RAB3D: variants seen among roughly 807,000 people sequenced by gnomAD.
RAB3D encodes the protein RAB3D, member RAS oncogene family.
RAB3D carries 17 observed loss-of-function variants against 19.3 expected under a neutral mutation model. The observed-to-expected ratio is 0.88, with a 90% CI of 0.60 to 1.32. The LOEUF (loss-of-function observed/expected upper bound fraction) is 1.32, where lower values mean the gene tolerates loss of function less well. Ranked by LOEUF, RAB3D falls within the 40% of genes most tolerant of loss-of-function variation. The pLI, the probability that RAB3D is intolerant of heterozygous loss-of-function variation, is 0.00. For missense variants in RAB3D, 223 were observed against 299.1 expected, an observed-to-expected ratio of 0.75 and a Z score of 1.88; for synonymous variants, 103 against 119.9, an observed-to-expected ratio of 0.86 and a Z score of 0.92.
Position 11,335,427 on chromosome 19 carries a change from G to A in RAB3D, c.472+20C>T. The A allele has an allele frequency of 1.9e-6, 3 of 1,613,514 alleles. No individual in the cohort carries two copies. The highest frequency in any genetic ancestry group is 2.5e-6 in the Non-Finnish European group (3 of 1,179,692). ...TTGGTTCTGGGAGACCAGGGCCTGT[G>A]GCCCAGGCTGGGCACTAACCAAGGT... is the stretch of plus-strand genomic sequence containing the variant. On this transcript the variant is annotated intron_variant, in intron 4 of 4. Coordinates refer to ENST00000222120, the MANE Select transcript of RAB3D (RefSeq NM_004283.4).
rs931067609 is a variant in RAB3D, at chr19:11,331,046, G to T, written c.472+4401C>A. On this transcript the variant is annotated intron_variant, in intron 4 of 4. Coordinates refer to ENST00000222120, the MANE Select transcript of RAB3D (RefSeq NM_004283.4). ...AAAAAAAAAAATTTAAAAAATAAATGGTTGGGAGGTTGAGGCGGGTGGATC... is the reference window on the plus strand; with the variant it reads ...AAAAAAAAAAATTTAAAAAATAAATTGTTGGGAGGTTGAGGCGGGTGGATC... Among the ~76,000 whole-genome samples, 9 of 151,270 alleles carry T rather than the reference G, an allele frequency of 5.9e-5. No individual in the cohort carries two copies. In the East Asian group the frequency reaches 1.6e-3, roughly 26 times the overall value.
At chr19:11,326,919 C>T (rs1353561267) in intron 4 of RAB3D, 2 of 528,212 alleles carry the variant, frequency 3.8e-6, no homozygotes, top group African/African-American at 2.0e-5. Flanking sequence ...TTCCTGCATC[C>T]TTTTAAGGTT....
At chr19:11,336,175 C>A (rs530400797) in intron 2 of RAB3D, among the ~76,000 whole-genome samples, 3 of 152,154 alleles carry the variant, frequency 2.0e-5, no homozygotes, top group South Asian at 4.1e-4. Flanking sequence ...TTGTTACCAG[C>A]GGCTAAGTTG....
chr19:11,335,575 CAG>C lies in RAB3D; in HGVS notation c.348-6_348-5del. ...GTAGGTCTTGATTTGCGTGGCCCTGCAGAGTTACCAGTGGTGAGCCATGAGCC... is the reference window on the plus strand; with the variant it reads ...GTAGGTCTTGATTTGCGTGGCCCTGCAGTTACCAGTGGTGAGCCATGAGCC... On this transcript the variant is annotated splice_polypyrimidine_tract_variant and splice_region_variant and intron_variant, in intron 3 of 4. Coordinates refer to ENST00000222120, the MANE Select transcript of RAB3D (RefSeq NM_004283.4). The C allele has an allele frequency of 6.2e-7, 1 of 1,614,022 alleles. No homozygotes were observed. The highest frequency in any genetic ancestry group is 8.5e-7 in the Non-Finnish European group (1 of 1,179,944).
At chr19:11,329,878 T>C (rs7257984) in intron 4 of RAB3D, among the ~76,000 whole-genome samples, 4,348 of 152,120 alleles carry the variant, frequency 0.029, 197 homozygotes, top group African/African-American at 0.1. Context: ...GACAGGGTTT[T>C]ACCATGTTGG....
rs1388837319 is a variant in RAB3D at position 11,335,477 on chromosome 19, C to T, written c.442G>A (p.Glu148Lys). The T allele has an allele frequency of 1.2e-6, 2 of 1,614,228 alleles. No homozygotes were observed. The highest frequency in any genetic ancestry group is 1.3e-5 in the African/African-American group (1 of 75,064). The change falls in exon 4 of 5, where the codon GAG becomes AAG. Residue 148 changes from glutamate (E) to lysine (K), a missense_variant. Coordinates refer to ENST00000222120, the MANE Select transcript of RAB3D (RefSeq NM_004283.4). ...TCGTCGGCGAGCCTCCGGCCATCCT[C>T]AGCAGGCACAACACGTTCGTCCTCC... ...DLEDERVVPA[E>K]DGRRLADDLG...
At chr19:11,327,721 C>T (rs891326373) in intron 4 of RAB3D, among the ~76,000 whole-genome samples, 5 of 152,052 alleles carry the variant, frequency 3.3e-5, no homozygotes, top group African/African-American at 9.7e-5. Flanking sequence ...ATTAATCAGG[C>T]GTGGTGGTAT....
intron 4 of RAB3D, among the ~76,000 whole-genome samples, chr19:11,335,024 T>A (rs1238460515): frequency 6.6e-6 from 1 of 152,040 alleles, no homozygotes; most frequent in Non-Finnish European, 1.5e-5. Context: ...CTCAAAAAAA[T>A]AAAAAATAAA....
At chr19:11,336,486 T>G (rs922307292) in intron 2 of RAB3D, among the ~76,000 whole-genome samples, 7 of 151,914 alleles carry the variant, frequency 4.6e-5, no homozygotes, top group African/African-American at 1.7e-4. Context: ...TGTTTAAAGT[T>G]TTTTTTAGAG....
chr19:11,333,299 C>T (rs1179550085), intron 4 of RAB3D, among the ~76,000 whole-genome samples: 3 of 152,090 alleles, frequency 2.0e-5, no homozygotes, highest in Admixed American at 1.3e-4. Context: ...CCAGGATGTT[C>T]TTGATCTCCT....
chr19:11,327,876 A>T (rs531324142), intron 4 of RAB3D, among the ~76,000 whole-genome samples: 1 of 152,090 alleles, frequency 6.6e-6, no homozygotes, highest in South Asian at 2.1e-4. Flanking sequence ...CATTTTTTGG[A>T]TGTCATTCAA....
intron 4 of RAB3D, among the ~76,000 whole-genome samples, chr19:11,329,437 A>G (rs2080828182): frequency 6.6e-6 from 1 of 151,440 alleles, no homozygotes; most frequent in Non-Finnish European, 1.5e-5. Flanking sequence ...GTGAAACCCC[A>G]TCTCTACTAA....
At chr19:11,337,042 C>A in intron 2 of RAB3D, 130 bp downstream of exon 2, 3 of 750,880 alleles carry the variant, frequency 4.0e-6, no homozygotes, top group Non-Finnish European at 6.7e-6. Context: ...TGCAGTGAGC[C>A]GAGATCCCGC....
At chr19:11,337,723 C>T (rs1044131905) in intron 1 of RAB3D, among the ~76,000 whole-genome samples, 2 of 150,600 alleles carry the variant, frequency 1.3e-5, no homozygotes, top group African/African-American at 4.9e-5. Context: ...GAGGCTGGAG[C>T]GCAGTGGCGT....
chr19:11,328,653 A>C (rs952902483), intron 4 of RAB3D, among the ~76,000 whole-genome samples: 1 of 151,948 alleles, frequency 6.6e-6, no homozygotes, highest in Admixed American at 6.6e-5. Context: ...CTCTAAATAA[A>C]TAAATAAATA....
rs1966929664 is a variant in RAB3D, at chr19:11,339,463, A to C, written c.-62+6T>G. ...CCTTCCTCCCAAACCCCCGTACCCCACAGACCTGCTCGGATGCGGAGGGGC... is the reference window on the plus strand; with the variant it reads ...CCTTCCTCCCAAACCCCCGTACCCCCCAGACCTGCTCGGATGCGGAGGGGC... On this transcript the variant is annotated splice_donor_region_variant and intron_variant, in intron 1 of 4. Coordinates refer to ENST00000222120, the MANE Select transcript of RAB3D (RefSeq NM_004283.4). 1 of 151,544 alleles carries C rather than the reference A, an allele frequency of 6.6e-6. No homozygotes were observed. The highest frequency in any genetic ancestry group is 2.1e-4 in the South Asian group (1 of 4,818). The allele number at this position is 151,544 out of a possible 1,614,324, so 9.4% of individuals were successfully genotyped here.
intron 4 of RAB3D, among the ~76,000 whole-genome samples, chr19:11,335,003 C>T (rs868700677): frequency 2.0e-5 from 3 of 152,228 alleles, no homozygotes; most frequent in East Asian, 3.9e-4. Context: ...GGCGACAGAG[C>T]GAGACTCCGT....
At chr19:11,336,507 G>T (rs34970351) in intron 2 of RAB3D, among the ~76,000 whole-genome samples, 15,737 of 151,718 alleles carry the variant, frequency 0.1, 1,796 homozygotes, top group African/African-American at 0.29. Context: ...ATGAGATCTC[G>T]CTATGTTGTC....
At chr19:11,337,029 G>C in intron 2 of RAB3D, 143 bp downstream of exon 2, 1 of 678,764 alleles carries the variant, frequency 1.5e-6, no homozygotes, top group Non-Finnish European at 2.6e-6. Context: ...AGGAGATGGA[G>C]GTTGCAGTGA....
Sources: gnomAD v4.1 joint callset for allele counts (sites outside exome capture counted in the v4.1 genomes callset) on GRCh38, gnomAD v4.1.1 for gene constraint, MANE v1.5 for transcripts, NCBI Gene and HGNC (gene_info 2026-07-23, HGNC 2026-07-21) for gene names.